Variants in ACSL3 observed in about 807,000 individuals in gnomAD.
The protein encoded by ACSL3 is fatty acid CoA ligase Acsl3.
Under a neutral mutation model 84.7 loss-of-function variants are expected in ACSL3, and 34 were observed. The observed-to-expected ratio is 0.40, with a 90% CI of 0.31 to 0.53. The LOEUF (loss-of-function observed/expected upper bound fraction) is 0.53, where lower values mean the gene tolerates loss of function less well. Among genes scored for constraint, ACSL3 ranks in the 20% least tolerant of loss-of-function variants. ACSL3 has a pLI of 0.48. For synonymous variants in ACSL3, 315 were observed against 299.4 expected, an observed-to-expected ratio of 1.05 and a Z score of -0.54; for missense variants, 680 against 873.1, an observed-to-expected ratio of 0.78 and a Z score of 2.79.
rs1696783750 is a variant in ACSL3, at chr2:222,923,087, A to G, written c.1090A>G (p.Ile364Val). The G allele has an allele frequency of 6.2e-7, 1 of 1,613,508 alleles. No homozygotes were observed. Among genetic ancestry groups the G allele is most frequent in the Admixed American group, 1.7e-5 (1 of 59,996 alleles). Reference protein sequence around the residue: ...PQTLADQSSKIKKGSKGDTSM... With the variant: ...PQTLADQSSKVKKGSKGDTSM... ...TTTTCTTATTTTGTAGTCTTCAAAA[A>G]TTAAAAAAGGAAGCAAAGGGGATAC... Residue 364 changes from isoleucine (I) to valine (V), a missense_variant, in exon 10 of 17, where the codon ATT (isoleucine) becomes GTT (valine). Around this residue, in one of 2 missense-constraint regions of ACSL3, gnomAD observed 347 missense variants for 525.7 expected, o/e 0.66. Coordinates refer to ENST00000357430, the MANE Select transcript of ACSL3 (RefSeq NM_004457.5).
chr2:222,918,562 T>C (rs1696646172), intron 6 of ACSL3, among the ~76,000 whole-genome samples: 2 of 55,922 alleles, frequency 3.6e-5, no homozygotes, highest in South Asian at 1.9e-3. Context: ...GACTTTTAAT[T>C]ATATTACAGT....
At chr2:222,869,067 A>G (rs561349440) in intron 1 of ACSL3, among the ~76,000 whole-genome samples, 1 of 152,304 alleles carries the variant, frequency 6.6e-6, no homozygotes, top group East Asian at 1.9e-4. Context: ...ATTCTCAGAT[A>G]ATTACCAAGG....
intron 3 of ACSL3, among the ~76,000 whole-genome samples, chr2:222,906,759 C>T (rs1217424824): frequency 2.6e-5 from 4 of 152,026 alleles, no homozygotes; most frequent in Admixed American, 2.0e-4. Flanking sequence ...GGACTACAGG[C>T]GTGTACCATC....
At chr2:222,907,951 T>C (rs964264959) in intron 3 of ACSL3, among the ~76,000 whole-genome samples, 3 of 152,118 alleles carry the variant, frequency 2.0e-5, no homozygotes, top group African/African-American at 7.2e-5. Context: ...TACCTGGGTT[T>C]ATTTTCCTCA....
chr2:222,868,014 A>G (rs1223622679), intron 1 of ACSL3, among the ~76,000 whole-genome samples: 1 of 151,524 alleles, frequency 6.6e-6, no homozygotes, highest in East Asian at 1.9e-4. Context: ...ATCTTAAAAT[A>G]TAGAAATATC....
chr2:222,866,627 G>A (rs1310475279), intron 1 of ACSL3, among the ~76,000 whole-genome samples: 2 of 151,278 alleles, frequency 1.3e-5, no homozygotes, highest in African/African-American at 4.9e-5. Context: ...ACAGTTTGAA[G>A]TTCATGTTAA....
At chr2:222,870,278 C>T (rs1462404831) in intron 1 of ACSL3, among the ~76,000 whole-genome samples, 1 of 152,094 alleles carries the variant, frequency 6.6e-6, no homozygotes, top group Admixed American at 6.5e-5. Context: ...TAGCTTTGTG[C>T]ATTTCCCCAT....
intron 1 of ACSL3, among the ~76,000 whole-genome samples, chr2:222,884,935 A>G (rs1695684428): frequency 6.6e-6 from 1 of 152,202 alleles, no homozygotes; most frequent in Non-Finnish European, 1.5e-5. Flanking sequence ...ACCCTAGACA[A>G]AAGGCTGCAA....
In ACSL3 at chr2:222,944,214, A is replaced by G. The variant is rs946611117; in HGVS notation, c.*2560A>G. 1 of 152,114 alleles carries G rather than the reference A, an allele frequency of 6.6e-6. No homozygotes were observed. The highest frequency in any genetic ancestry group is 2.4e-5 in the African/African-American group (1 of 41,432). 9.4% of individuals were successfully genotyped at this position (152,114 alleles called of 1,614,324 possible). ...TTTATAATGTTCTCTAAAGCTTGCA[A>G]CTTTTTCAGCAACGTTTAAAAATAG... On this transcript the variant is annotated 3_prime_UTR_variant, in exon 17 of 17. Transcript: ENST00000357430.
chr2:222,912,953 A>G (rs1377774034), intron 4 of ACSL3, among the ~76,000 whole-genome samples: 1 of 152,346 alleles, frequency 6.6e-6, no homozygotes, highest in East Asian at 1.9e-4. Flanking sequence ...GCATTGCACT[A>G]ACGTCGTCTT....
At chr2:222,939,354 T>C (rs997876102) in intron 16 of ACSL3, among the ~76,000 whole-genome samples, 1 of 152,190 alleles carries the variant, frequency 6.6e-6, no homozygotes, top group Non-Finnish European at 1.5e-5. Context: ...GGGTACAATC[T>C]AATTGAAGAG....
At chr2:222,916,557 T>G (rs1445685327) in intron 5 of ACSL3, 61 bp downstream of exon 5, 4 of 1,453,388 alleles carry the variant, frequency 2.8e-6, no homozygotes, top group Non-Finnish European at 3.7e-6. Context: ...TGAAATACTT[T>G]ACTCTGAAGA....
At chr2:222,937,028 A>T (rs1475115577) in intron 16 of ACSL3, among the ~76,000 whole-genome samples, 2 of 152,142 alleles carry the variant, frequency 1.3e-5, no homozygotes, top group Non-Finnish European at 2.9e-5. Flanking sequence ...ATAATTTGAG[A>T]TGAGATTTGG....
chr2:222,893,314 G>C (rs893865425), intron 2 of ACSL3, among the ~76,000 whole-genome samples: 6 of 152,174 alleles, frequency 3.9e-5, no homozygotes, highest in African/African-American at 1.4e-4. Flanking sequence ...TCATGATGGT[G>C]GTGGATGTGA....
chr2:222,880,720 C>T (rs1016768915), intron 1 of ACSL3, among the ~76,000 whole-genome samples: 10 of 151,676 alleles, frequency 6.6e-5, no homozygotes, highest in Admixed American at 2.0e-4. Flanking sequence ...GTCCCAGCTA[C>T]TCAGGAGGCT....
chr2:222,915,582 A>G (rs1299984287), intron 4 of ACSL3, among the ~76,000 whole-genome samples: 2 of 152,202 alleles, frequency 1.3e-5, no homozygotes, highest in African/African-American at 2.4e-5. Flanking sequence ...GAAAATTTCT[A>G]AAGACAATAT....
intron 3 of ACSL3, among the ~76,000 whole-genome samples, chr2:222,901,832 C>G (rs1041623891): frequency 1.3e-5 from 2 of 151,252 alleles, no homozygotes; most frequent in African/African-American, 4.9e-5. Context: ...GTAGTCTCAG[C>G]TACTCGGGAG....
At chr2:222,901,322 A>G (rs1480618851) in intron 3 of ACSL3, among the ~76,000 whole-genome samples, 5 of 152,174 alleles carry the variant, frequency 3.3e-5, no homozygotes, top group South Asian at 2.1e-4. Flanking sequence ...TTCTTTCCCC[A>G]TTAAATTTTC....
At chr2:222,892,690 A>G (rs1695871278) in intron 2 of ACSL3, among the ~76,000 whole-genome samples, 1 of 152,196 alleles carries the variant, frequency 6.6e-6, no homozygotes, top group Admixed American at 6.5e-5. Flanking sequence ...TAAGGTATTA[A>G]CTATAGAATT....
Sources: gnomAD v4.1 joint callset for allele counts (sites outside exome capture counted in the v4.1 genomes callset) on GRCh38, gnomAD v4.1.1 for gene constraint, gnomAD v4.1.1 regional missense constraint, MANE v1.5 for transcripts, NCBI Gene and HGNC (gene_info 2026-07-23, HGNC 2026-07-21) for gene names.